Variants in SMAP1 observed in about 807,000 individuals in gnomAD.
The protein encoded by SMAP1 is small ArfGAP 1, also known as stromal membrane-associated protein 1.
Under a neutral mutation model 58.5 loss-of-function variants are expected in SMAP1, and 24 were observed. That is an observed-to-expected ratio of 0.41 (90% CI 0.30 to 0.58). The LOEUF is 0.58. SMAP1 is among the 20% of genes least tolerant of loss of function. The pLI is 0.29. For synonymous variants in SMAP1, 216 were observed against 196.6 expected (o/e 1.10, Z -0.82); for missense variants, 563 against 566.3 (o/e 0.99, Z 0.06).
At chr6:70,856,111 A>G (rs772873232) in intron 8 of SMAP1, among the ~76,000 whole-genome samples, 33 of 152,348 alleles carry the variant, frequency 2.2e-4, no homozygotes, top group Middle Eastern at 3.4e-3. Context: ...TTCATATTCA[A>G]AACAAGTCCA....
intron 6 of SMAP1, among the ~76,000 whole-genome samples, chr6:70,835,611 A>G (rs751681736): frequency 2.6e-5 from 4 of 152,118 alleles, no homozygotes; most frequent in Non-Finnish European, 5.9e-5. Flanking sequence ...GGCTCAACCA[A>G]TCCTCCAGCC....
intron 1 of SMAP1, among the ~76,000 whole-genome samples, chr6:70,703,287 G>C (rs866732010): frequency 2.0e-4 from 31 of 152,160 alleles, no homozygotes; most frequent in African/African-American, 7.0e-4. Context: ...ATGTTGGCCA[G>C]GTTGGTCTTG....
At position 70,859,384 on chromosome 6, in the gene SMAP1, CA is replaced by C. The variant is rs1307660277; in HGVS notation, c.1270-814del. The C allele has an allele frequency of 2.6e-6, 4 of 1,549,164 alleles. No individual in the cohort carries two copies. In the East Asian group the frequency reaches 9.8e-5, roughly 38 times the overall value. On this transcript the variant is annotated intron_variant, in intron 10 of 10. Coordinates refer to ENST00000370455, the MANE Select transcript of SMAP1 (RefSeq NM_001044305.3). ...CACTCCATCAGTGCAATCTACTGGC[CA>C]ATGACAAGGTGGTTAAAATGTCCTT...
chr6:70,820,702 C>T (rs1769848150), intron 6 of SMAP1, among the ~76,000 whole-genome samples: 2 of 148,638 alleles, frequency 1.3e-5, no homozygotes, highest in Admixed American at 6.7e-5. Context: ...GAGACTCCAT[C>T]TCGGAAAAAA....
intron 1 of SMAP1, among the ~76,000 whole-genome samples, chr6:70,670,458 T>G (rs1309284024): frequency 6.6e-6 from 1 of 152,184 alleles, no homozygotes; most frequent in Non-Finnish European, 1.5e-5. Flanking sequence ...TTTCACAGTT[T>G]TTGAGTATTT....
chr6:70,766,661 A>C, intron 3 of SMAP1, among the ~76,000 whole-genome samples: 1 of 152,046 alleles, frequency 6.6e-6, no homozygotes, highest in East Asian at 1.9e-4. Context: ...TTGTCAGATG[A>C]ATAGGTTGCA....
intron 1 of SMAP1, among the ~76,000 whole-genome samples, chr6:70,680,845 A>G (rs921576653): frequency 2.7e-5 from 4 of 150,374 alleles, no homozygotes; most frequent in Non-Finnish European, 5.9e-5. Context: ...CAGCCTCTCA[A>G]GTAGCTGGGA....
At chr6:70,785,655 C>T (rs1207345184) in intron 4 of SMAP1, among the ~76,000 whole-genome samples, 2 of 152,326 alleles carry the variant, frequency 1.3e-5, no homozygotes, top group East Asian at 3.9e-4. Context: ...AAACTACCAT[C>T]AGAGAATACG....
chr6:70,806,391 C>T (rs1044211542), intron 6 of SMAP1, among the ~76,000 whole-genome samples: 5 of 152,188 alleles, frequency 3.3e-5, no homozygotes, highest in Admixed American at 2.6e-4. Context: ...AGGAGTGTCC[C>T]GTTTTTCCAG....
chr6:70,730,163 C>T (rs1765367877), intron 1 of SMAP1, among the ~76,000 whole-genome samples: 1 of 152,148 alleles, frequency 6.6e-6, no homozygotes, highest in Admixed American at 6.5e-5. Context: ...TATCCTTCTG[C>T]CTCAGCCTCC....
chr6:70,835,580 C>T (rs1321708833), intron 6 of SMAP1, among the ~76,000 whole-genome samples: 1 of 152,136 alleles, frequency 6.6e-6, no homozygotes, highest in Non-Finnish European at 1.5e-5. Context: ...AATCATAGCT[C>T]ACTGCAGCCT....
intron 1 of SMAP1, chr6:70,694,376 T>G (rs1192958584): frequency 2.5e-5 from 4 of 157,154 alleles, no homozygotes; most frequent in Non-Finnish European, 5.6e-5. Context: ...ATGTGTCTGC[T>G]CATTTACACA....
At chr6:70,831,038 ATTATT>A (rs1342249867) in intron 6 of SMAP1, among the ~76,000 whole-genome samples, 15 of 152,184 alleles carry the variant, frequency 9.9e-5, no homozygotes, top group Admixed American at 9.8e-4. Flanking sequence ...TTTGATTTTA[ATTATT>A]TTAAATGTTT....
intron 1 of SMAP1, among the ~76,000 whole-genome samples, chr6:70,720,859 C>T (rs1452220077): frequency 9.2e-5 from 14 of 151,910 alleles, no homozygotes; most frequent in Non-Finnish European, 7.4e-5. Context: ...CTTTTTCCTC[C>T]TGGGCCTCCG....
At chr6:70,798,894 C>G (rs758850097) in intron 6 of SMAP1, among the ~76,000 whole-genome samples, 157 bp downstream of exon 6, 3 of 152,090 alleles carry the variant, frequency 2.0e-5, no homozygotes, top group Non-Finnish European at 2.9e-5. Flanking sequence ...GTCCTTCTAG[C>G]TTGTCTCTGT....
At chr6:70,712,837 A>G (rs1240432952) in intron 1 of SMAP1, among the ~76,000 whole-genome samples, 4 of 132,382 alleles carry the variant, frequency 3.0e-5, no homozygotes, top group African/African-American at 1.2e-4. Flanking sequence ...TCTGTCACCT[A>G]GGCTGGAGTG....
At chr6:70,704,774 T>C (rs779134331) in intron 1 of SMAP1, among the ~76,000 whole-genome samples, 6 of 152,226 alleles carry the variant, frequency 3.9e-5, no homozygotes, top group Admixed American at 6.5e-5. Context: ...GACAAGAAAG[T>C]AGTTGGACTC....
At chr6:70,755,972 C>CT (rs1374479905) in intron 3 of SMAP1, among the ~76,000 whole-genome samples, 1 of 151,948 alleles carries the variant, frequency 6.6e-6, no homozygotes, top group Non-Finnish European at 1.5e-5. Context: ...ATGAATCCAC[C>CT]TTTATGAGTG....
chr6:70,837,794 T>A (rs772970360), intron 7 of SMAP1: 2 of 1,237,030 alleles, frequency 1.6e-6, no homozygotes, highest in African/African-American at 3.1e-5. Context: ...GGAGAAAGAT[T>A]GAGAAGGAAA....
Sources: allele counts gnomAD v4.1 joint callset (sites outside exome capture counted in the v4.1 genomes callset), GRCh38; gene constraint gnomAD v4.1.1; transcripts MANE v1.5; gene names NCBI Gene and HGNC (gene_info 2026-07-23, HGNC 2026-07-21).